UNC5D: variants seen among roughly 807,000 people sequenced by gnomAD.
UNC5D encodes the protein unc-5 netrin receptor D, also known as netrin receptor UNC5D.
Under a neutral mutation model 105.4 loss-of-function variants are expected in UNC5D, and 39 were observed. The ratio of observed to expected loss-of-function variants is 0.37; its 90% CI spans 0.29 to 0.48. UNC5D has a LOEUF of 0.48. UNC5D is among the 20% of genes least tolerant of loss of function. The pLI is 0.98. For synonymous variants in UNC5D, 452 were observed against 450.4 expected, an observed-to-expected ratio of 1.00 and a Z score of -0.04; for missense variants, 991 against 1,202.4, an observed-to-expected ratio of 0.82 and a Z score of 2.60.
At chr8:35,429,144 G>A (rs1806454024) in intron 1 of UNC5D, among the ~76,000 whole-genome samples, 1 of 152,064 alleles carries the variant, frequency 6.6e-6, no homozygotes. Context: ...CATGAAAATG[G>A]ACTATTTTTC....
intron 11 of UNC5D, among the ~76,000 whole-genome samples, chr8:35,739,371 TC>T (rs1829636853): frequency 6.6e-6 from 1 of 152,160 alleles, no homozygotes; most frequent in African/African-American, 2.4e-5. Flanking sequence ...AATCACATTG[TC>T]ATTTTAAGAC....
chr8:35,695,511 G>A (rs974050827), intron 7 of UNC5D, among the ~76,000 whole-genome samples: 3 of 152,026 alleles, frequency 2.0e-5, no homozygotes, highest in Middle Eastern at 3.4e-3. Context: ...ACTTCAACCT[G>A]AGCAACAGGG....
intron 1 of UNC5D, among the ~76,000 whole-genome samples, chr8:35,342,820 C>G (rs1390459007): frequency 2.0e-5 from 3 of 152,100 alleles, no homozygotes; most frequent in Non-Finnish European, 4.4e-5. Context: ...ATTCCCATCT[C>G]TACATATATC....
intron 3 of UNC5D, among the ~76,000 whole-genome samples, chr8:35,573,311 T>G (rs1388021652): frequency 1.3e-5 from 2 of 152,094 alleles, no homozygotes; most frequent in African/African-American, 4.8e-5. Flanking sequence ...GATATGTTGG[T>G]GCGTGCCTGT....
chr8:35,255,811 G>T (rs1197589235), intron 1 of UNC5D: 1 of 152,036 alleles, frequency 6.6e-6, no homozygotes, highest in African/African-American at 2.4e-5. Flanking sequence ...CAATTACATG[G>T]AATTTTCATA....
At chr8:35,495,452 C>CAAAAAAAAAAAAAA (rs1811497467) in intron 1 of UNC5D, among the ~76,000 whole-genome samples, 1 of 31,728 alleles carries the variant, frequency 3.2e-5, no homozygotes, top group Non-Finnish European at 5.9e-5. Context: ...TGAACAACAA[C>CAAAAAAAAAAAAAA]AACAACAAAA....
intron 14 of UNC5D, 120 bp downstream of exon 14, chr8:35,759,589 A>T (rs1801427170): frequency 1.7e-6 from 2 of 1,153,152 alleles, no homozygotes; most frequent in Non-Finnish European, 2.5e-6. Flanking sequence ...TTCACCTCAA[A>T]ACTGTCACAG....
intron 1 of UNC5D, among the ~76,000 whole-genome samples, chr8:35,472,182 A>C (rs1809782478): frequency 6.6e-6 from 1 of 152,238 alleles, no homozygotes; most frequent in Non-Finnish European, 1.5e-5. Flanking sequence ...TCAGAAGAAC[A>C]CTTATTATTC....
chr8:35,370,896 C>T (rs541312619), intron 1 of UNC5D, among the ~76,000 whole-genome samples: 1 of 152,262 alleles, frequency 6.6e-6, no homozygotes, highest in South Asian at 2.1e-4. Context: ...CTTGTGAAGA[C>T]ATTTCATACA....
intron 1 of UNC5D, among the ~76,000 whole-genome samples, chr8:35,415,165 A>AT (rs1358447447): frequency 6.6e-6 from 1 of 151,962 alleles, no homozygotes; most frequent in East Asian, 1.9e-4. Context: ...GTTATGATAG[A>AT]TTTTTCTTCT....
chr8:35,519,608 T>A (rs764281826), intron 1 of UNC5D, among the ~76,000 whole-genome samples: 24 of 152,128 alleles, frequency 1.6e-4, no homozygotes, highest in African/African-American at 5.5e-4. Flanking sequence ...CATAGCAGAA[T>A]TATTTCAAAT....
At chr8:35,341,643 T>C (rs1183176630) in intron 1 of UNC5D, among the ~76,000 whole-genome samples, 2 of 152,096 alleles carry the variant, frequency 1.3e-5, no homozygotes, top group African/African-American at 4.8e-5. Context: ...TTAATAATCA[T>C]GTAAATTAGG....
chr8:35,454,882 G>A (rs1808383408), intron 1 of UNC5D, among the ~76,000 whole-genome samples: 1 of 152,118 alleles, frequency 6.6e-6, no homozygotes, highest in East Asian at 1.9e-4. Flanking sequence ...TTGTCATATG[G>A]CAACTTCCCT....
At chr8:35,357,943 A>C (rs970715944) in intron 1 of UNC5D, among the ~76,000 whole-genome samples, 2 of 152,082 alleles carry the variant, frequency 1.3e-5, no homozygotes, top group Non-Finnish European at 2.9e-5. Flanking sequence ...TAGTGAAAAA[A>C]AAGCAGGTAA....
chr8:35,431,179 T>C (rs376158318), intron 1 of UNC5D, among the ~76,000 whole-genome samples: 4 of 152,176 alleles, frequency 2.6e-5, no homozygotes, highest in Non-Finnish European at 4.4e-5. Flanking sequence ...AATGGGTAAA[T>C]ACTTGTTTAA....
At chr8:35,306,450 T>G (rs766745202) in intron 1 of UNC5D, among the ~76,000 whole-genome samples, 6 of 152,072 alleles carry the variant, frequency 3.9e-5, no homozygotes, top group Non-Finnish European at 8.8e-5. Context: ...CATGTTAAAA[T>G]TTTTCTGTGG....
At chr8:35,506,708 G>A (rs1383707910) in intron 1 of UNC5D, among the ~76,000 whole-genome samples, 1 of 152,178 alleles carries the variant, frequency 6.6e-6, no homozygotes, top group African/African-American at 2.4e-5. Flanking sequence ...AGGAGTCTGA[G>A]AGCACTGATT....
At chr8:35,617,784 G>A (rs1821120790) in intron 4 of UNC5D, among the ~76,000 whole-genome samples, 1 of 152,232 alleles carries the variant, frequency 6.6e-6, no homozygotes, top group Admixed American at 6.5e-5. Context: ...GAACTGAACA[G>A]CTGAGAATCC....
At chr8:35,436,685 T>C (rs1282361745) in intron 1 of UNC5D, among the ~76,000 whole-genome samples, 3 of 152,006 alleles carry the variant, frequency 2.0e-5, no homozygotes, top group Non-Finnish European at 4.4e-5. Context: ...ATAGGAGAGA[T>C]TGGGAATGTG....
Sources: gnomAD v4.1 joint callset for allele counts (sites outside exome capture counted in the v4.1 genomes callset) on GRCh38, gnomAD v4.1.1 for gene constraint, MANE v1.5 for transcripts, NCBI Gene and HGNC (gene_info 2026-07-23, HGNC 2026-07-21) for gene names.